The following SCN9A variants were observed in gnomAD, a reference collection of about 807,000 sequenced individuals.
SCN9A encodes the protein sodium channel protein type 9 subunit alpha.
A neutral mutation model predicts 187.0 loss-of-function variants in SCN9A; 131 were observed. The observed-to-expected ratio is 0.70, with a 90% confidence interval of 0.61 to 0.81. SCN9A has a LOEUF of 0.81. SCN9A is among the 30% of genes least tolerant of loss of function. The pLI is 0.00. For missense variants in SCN9A, 2,252 were observed against 2,396.6 expected (o/e 0.94, Z 1.26); for synonymous variants, 809 against 808.6 (o/e 1.00, Z -0.01).
At chr2:166,301,137 C>CAAAAAAA (rs5836094) in intron 7 of SCN9A, 2 of 126,678 alleles carry the variant, frequency 1.6e-5, no homozygotes, top group African/African-American at 6.3e-5. Flanking sequence ...TATTTTTTAG[C>CAAAAAAA]AAAAAAAAAA....
chr2:166,345,274 A>G (rs917342835), intron 1 of SCN9A, among the ~76,000 whole-genome samples: 1 of 150,506 alleles, frequency 6.6e-6, no homozygotes, highest in Non-Finnish European at 1.5e-5. Flanking sequence ...GGACATCATG[A>G]CAAAATTAGT....
At chr2:166,342,086 G>C (rs1699800057) in intron 1 of SCN9A, among the ~76,000 whole-genome samples, 1 of 152,110 alleles carries the variant, frequency 6.6e-6, no homozygotes, top group Admixed American at 6.6e-5. Context: ...TTGTTCCCAA[G>C]TCTTGTCCTG....
intron 16 of SCN9A, among the ~76,000 whole-genome samples, chr2:166,275,395 G>T (rs187075568): frequency 6.6e-6 from 1 of 152,066 alleles, no homozygotes; most frequent in Admixed American, 6.6e-5. Context: ...GACCAGCCTG[G>T]CCAACATGAC....
intron 24 of SCN9A, among the ~76,000 whole-genome samples, chr2:166,223,677 A>AAC (rs1472757158): frequency 6.6e-6 from 1 of 152,192 alleles, no homozygotes; most frequent in African/African-American, 2.4e-5. Flanking sequence ...TATAGTTAAC[A>AAC]ATATATATAG....
rs1475014941 is a variant in SCN9A at position 166,277,324 on chromosome 2, A to G, written c.2533T>C (p.Leu845=). Residue 845 remains leucine, a synonymous_variant, in exon 16 of 27, where the codon TTG becomes CTG. Transcript: ENST00000642356. Reference sequence around the variant, plus strand: ...TTCAATGTTGGCCAGGATTTTGCCAACTTGAAGACTCGGAGCTAAAAGCAA... The same window carrying G: ...TTCAATGTTGGCCAGGATTTTGCCAGCTTGAAGACTCGGAGCTAAAAGCAA... ...RSFRLLRVFK[L]AKSWPTLNML... is the part of the protein sequence containing the mutation. 5.6e-6 allele frequency: 9 copies of G among 1,606,342 alleles called. No individual in the cohort carries two copies. Among genetic ancestry groups the G allele is most frequent in the South Asian group, 1.1e-5 (1 of 90,796 alleles).
intron 18 of SCN9A, among the ~76,000 whole-genome samples, chr2:166,244,565 G>C (rs1695705906): frequency 6.6e-6 from 1 of 151,966 alleles, no homozygotes; most frequent in African/African-American, 2.4e-5. Flanking sequence ...TTGAATAGCA[G>C]AAGTATGGCA....
At chr2:166,319,689 C>A (rs2105242781) in intron 1 of SCN9A, among the ~76,000 whole-genome samples, 1 of 152,112 alleles carries the variant, frequency 6.6e-6, no homozygotes, top group East Asian at 1.9e-4. Flanking sequence ...GTGCCAATTA[C>A]CAAAGCATAT....
chr2:166,371,020 T>C (rs1007459178), intron 1 of SCN9A, among the ~76,000 whole-genome samples: 18 of 152,126 alleles, frequency 1.2e-4, no homozygotes, highest in Non-Finnish European at 2.5e-4. Flanking sequence ...TAGCAGTCTC[T>C]CTAACACTTG....
intron 9 of SCN9A, among the ~76,000 whole-genome samples, chr2:166,291,108 G>T (rs1319225617): frequency 6.6e-6 from 1 of 152,088 alleles, no homozygotes; most frequent in East Asian, 1.9e-4. Flanking sequence ...AAGAAATAAA[G>T]GGTATTCAAA....
chr2:166,229,999 T>A (rs1367410794), intron 21 of SCN9A, among the ~76,000 whole-genome samples: 1 of 152,216 alleles, frequency 6.6e-6, no homozygotes, highest in Non-Finnish European at 1.5e-5. Flanking sequence ...GTTCTCAAGA[T>A]GCTTTAAAAT....
At chr2:166,292,166 T>C (rs1168867439) in intron 9 of SCN9A, among the ~76,000 whole-genome samples, 1 of 152,138 alleles carries the variant, frequency 6.6e-6, no homozygotes, top group African/African-American at 2.4e-5. Context: ...TTTGGCAATC[T>C]ACCCATCTGA....
At chr2:166,244,565 G>A (rs1695705906) in intron 18 of SCN9A, among the ~76,000 whole-genome samples, 1 of 151,966 alleles carries the variant, frequency 6.6e-6, no homozygotes, top group Non-Finnish European at 1.5e-5. Context: ...TTGAATAGCA[G>A]AAGTATGGCA....
At chr2:166,328,192 G>A (rs998453504) in intron 1 of SCN9A, among the ~76,000 whole-genome samples, 1 of 152,050 alleles carries the variant, frequency 6.6e-6, no homozygotes, top group African/African-American at 2.4e-5. Context: ...CCCAGTATTG[G>A]TTACATGGTT....
rs1697647994 is a variant in SCN9A, at chr2:166,284,606, C to T, written c.1821G>A (p.Arg607=). ...CGTTCACCGGCAGCATTGGTGGGGA[C>T]CTACTGGCTTGGCTGATGTTACTGC... ...RRSSNISQAS[R]SPPMLPVNGK... The change falls in exon 12 of 27, where the codon AGG becomes AGA. Residue 607 remains arginine, a synonymous_variant. Coordinates refer to ENST00000642356, the MANE Select transcript of SCN9A (RefSeq NM_001365536.1). 1.2e-6 allele frequency: 2 copies of T among 1,614,010 alleles called. No individual in the cohort carries two copies. The highest frequency in any genetic ancestry group is 4.5e-5 in the East Asian group (2 of 44,884).
At position 166,240,729 on chromosome 2, in the gene SCN9A, G is replaced by T. The variant is rs75984979; in HGVS notation, c.3627+1773C>A. On this transcript the variant is annotated intron_variant, in intron 19 of 26. Transcript: ENST00000642356. ...TTGATAGGAAAGGAAAGCCACAGTG[G>T]GTCCCTGCAGGTTGTTGGGGAGTGT... Among the ~76,000 whole-genome samples the T allele has an allele frequency of 1.5e-3, 229 of 152,230 alleles. 6 individuals are homozygous for T. In the East Asian group the frequency reaches 0.042, roughly 28 times the overall value.
intron 1 of SCN9A, among the ~76,000 whole-genome samples, chr2:166,346,557 T>C (rs532596683): frequency 6.6e-6 from 1 of 152,314 alleles, no homozygotes; most frequent in Non-Finnish European, 1.5e-5. Flanking sequence ...TGAGATGCTC[T>C]GCTCAAGCTG....
At chr2:166,261,373 T>A (rs1342690128) in intron 17 of SCN9A, among the ~76,000 whole-genome samples, 1 of 151,904 alleles carries the variant, frequency 6.6e-6, no homozygotes, top group Admixed American at 6.6e-5. Flanking sequence ...TGGATAAGGA[T>A]CTCTGGGAAA....
chr2:166,234,277 T>C (rs79472760), intron 20 of SCN9A, among the ~76,000 whole-genome samples: 3,148 of 152,292 alleles, frequency 0.021, 121 homozygotes, highest in African/African-American at 0.072. Context: ...TATAAATATG[T>C]TTACTCTCTG....
chr2:166,239,199 G>A (rs1337957743), intron 19 of SCN9A, among the ~76,000 whole-genome samples: 1 of 139,716 alleles, frequency 7.2e-6, no homozygotes. Flanking sequence ...CTCCAGCCTG[G>A]GCAACAGAGC....
Sources: allele counts gnomAD v4.1 joint callset (sites outside exome capture counted in the v4.1 genomes callset), GRCh38; gene constraint gnomAD v4.1.1; transcripts MANE v1.5; gene names NCBI Gene and HGNC (gene_info 2026-07-23, HGNC 2026-07-21).